Variants in BCL2L13 observed in about 807,000 individuals in gnomAD.
BCL2L13 encodes the protein BCL2 like 13, also known as bcl-2-like protein 13.
Under a neutral mutation model 25.8 loss-of-function variants are expected in BCL2L13, and 13 were observed. The ratio of observed to expected loss-of-function variants is 0.50; its 90% confidence interval spans 0.33 to 0.80. BCL2L13 has a LOEUF of 0.80. Among genes scored for constraint, BCL2L13 ranks in the 30% least tolerant of loss-of-function variants. The pLI is 0.02. For synonymous variants in BCL2L13, 244 were observed against 230.3 expected, an observed-to-expected ratio of 1.06 and a Z score of -0.54; for missense variants, 504 against 574.9, an observed-to-expected ratio of 0.88 and a Z score of 1.26.
At chr22:17,708,723 C>T (rs989736852) in intron 6 of BCL2L13, among the ~76,000 whole-genome samples, 6 of 152,192 alleles carry the variant, frequency 3.9e-5, no homozygotes, top group Admixed American at 3.3e-4. Flanking sequence ...TTTGAGCCCT[C>T]GAAATTACTC....
intron 6 of BCL2L13, among the ~76,000 whole-genome samples, chr22:17,723,121 C>T (rs1336215965): frequency 6.6e-6 from 1 of 152,104 alleles, no homozygotes; most frequent in African/African-American, 2.4e-5. Flanking sequence ...CATGTCTTTG[C>T]TTACTTAGCT....
intron 1 of BCL2L13, among the ~76,000 whole-genome samples, chr22:17,650,992 T>C (rs1197341302): frequency 4.4e-5 from 1 of 22,572 alleles, no homozygotes; most frequent in African/African-American, 1.7e-4. Flanking sequence ...CATTCACTCC[T>C]TTTTTTTTTT....
At chr22:17,656,472 C>T (rs1465625799) in intron 2 of BCL2L13, among the ~76,000 whole-genome samples, 3 of 147,790 alleles carry the variant, frequency 2.0e-5, no homozygotes, top group South Asian at 4.3e-4. Context: ...CTCAGCCTCC[C>T]GAGTAGCTGG....
At chr22:17,706,780 T>A (rs1241220172) in intron 6 of BCL2L13, 2 of 1,352,138 alleles carry the variant, frequency 1.5e-6, no homozygotes, top group Middle Eastern at 2.1e-4. Context: ...GTTGCTACGT[T>A]AGAAGTCTGT....
At chr22:17,726,071 C>A (rs1170047166) in intron 6 of BCL2L13, among the ~76,000 whole-genome samples, 1 of 151,990 alleles carries the variant, frequency 6.6e-6, no homozygotes, top group Non-Finnish European at 1.5e-5. Context: ...GATTTTGGGC[C>A]GGGCACAGTG....
At chr22:17,641,084 G>A (rs2058264871) in intron 1 of BCL2L13, among the ~76,000 whole-genome samples, 1 of 151,910 alleles carries the variant, frequency 6.6e-6, no homozygotes, top group Admixed American at 6.6e-5. Flanking sequence ...TAGAGACGGG[G>A]TTTCACCGTG....
intron 2 of BCL2L13, among the ~76,000 whole-genome samples, chr22:17,666,364 A>G (rs1054966614): frequency 1.3e-5 from 2 of 152,154 alleles, no homozygotes; most frequent in South Asian, 2.1e-4. Flanking sequence ...ATTACAAACA[A>G]TTCAGTTACT....
At chr22:17,638,632 C>T (rs1195004666), upstream of BCL2L13, 9 of 1,216,352 alleles carry the variant, frequency 7.4e-6, no homozygotes, top group Middle Eastern at 9.4e-4. Flanking sequence ...CAGGTCACAT[C>T]TGGACGGAGA....
Position 17,691,423 on chromosome 22 carries a change from T to G in BCL2L13, c.386+2281T>G, listed in dbSNP as rs548146383. ...GCACTTGGGGAGGCCGAGGCGGGCG[T>G]ATCACGAGGTCAGGAGATTGAGACC... On this transcript the variant is annotated intron_variant, in intron 4 of 6. Coordinates refer to ENST00000317582, the MANE Select transcript of BCL2L13 (RefSeq NM_015367.4). Among the ~76,000 whole-genome samples the G allele has an allele frequency of 2.4e-3, 371 of 152,186 alleles. 1 individual carries two copies. The highest frequency in any genetic ancestry group is 8.4e-3 in the African/African-American group (349 of 41,536).
intron 6 of BCL2L13, among the ~76,000 whole-genome samples, chr22:17,712,608 T>C (rs1009211329): frequency 1.3e-5 from 2 of 152,218 alleles, no homozygotes; most frequent in Admixed American, 1.3e-4. Flanking sequence ...ATATAAATTA[T>C]GTGACACAGT....
At position 17,728,543 on chromosome 22, in the gene BCL2L13, C is replaced by T. The variant is rs761050041; in HGVS notation, c.*1009C>T. 11 of 152,158 alleles carry T rather than the reference C, an allele frequency of 7.2e-5. No homozygotes were observed. The highest frequency in any genetic ancestry group is 1.5e-4 in the Non-Finnish European group (10 of 68,028). The allele number at this position is 152,158 out of a possible 1,614,324, so 9.4% of individuals were successfully genotyped here. On this transcript the variant is annotated 3_prime_UTR_variant, in exon 7 of 7. Coordinates refer to ENST00000317582, the MANE Select transcript of BCL2L13 (RefSeq NM_015367.4). ...ATTGCTGGATGGTCCCTGTCTATAA[C>T]CTTGGGCTAGTATATTTTTTCCAAT...
At chr22:17,718,406 C>T (rs955020189) in intron 6 of BCL2L13, among the ~76,000 whole-genome samples, 3 of 152,112 alleles carry the variant, frequency 2.0e-5, no homozygotes, top group South Asian at 2.1e-4. Flanking sequence ...GTCTTCAGTA[C>T]GACAAGCATT....
At chr22:17,726,636 G>A (rs1398159513) in intron 6 of BCL2L13, 41 bp from the exon 7 acceptor site, 28 of 1,574,192 alleles carry the variant, frequency 1.8e-5, no homozygotes, top group Non-Finnish European at 2.1e-5. Flanking sequence ...GTTTTAAATA[G>A]TTACCATTCT....
chr22:17,656,762 G>A (rs1417440287), intron 2 of BCL2L13, among the ~76,000 whole-genome samples: 4 of 152,012 alleles, frequency 2.6e-5, no homozygotes, highest in African/African-American at 9.7e-5. Flanking sequence ...ACTTACAATT[G>A]TTGAGCAGTC....
rs569378987 is a variant in BCL2L13 at position 17,705,490 on chromosome 22, G to A, written c.600+3104G>A. ...TTTTTTGTATTTTTAGTAGAGATGG[G>A]TTTTCACTGTGTTAGCCAGGATGGT... is the stretch of plus-strand genomic sequence containing the variant. On this transcript the variant is annotated intron_variant, in intron 6 of 6. Transcript: ENST00000317582. Among the ~76,000 whole-genome samples, 18 of 151,762 alleles carry A rather than the reference G, an allele frequency of 1.2e-4. No homozygotes were observed. In the South Asian group the frequency reaches 3.8e-3, roughly 32 times the overall value.
intron 1 of BCL2L13, among the ~76,000 whole-genome samples, chr22:17,646,459 A>G (rs1454375040): frequency 6.6e-6 from 1 of 150,818 alleles, no homozygotes; most frequent in Non-Finnish European, 1.5e-5. Flanking sequence ...ATATTGGTCA[A>G]GCTGGTCTCA....
intron 6 of BCL2L13, among the ~76,000 whole-genome samples, chr22:17,717,653 C>T (rs943498590): frequency 6.6e-6 from 1 of 152,176 alleles, no homozygotes; most frequent in Non-Finnish European, 1.5e-5. Context: ...ACCTAAAGAG[C>T]ACAGTTCCTG....
In BCL2L13 at chr22:17,700,052, G is replaced by A. The variant is rs540800211; in HGVS notation, c.457-2191G>A. On this transcript the variant is annotated intron_variant, in intron 5 of 6. Coordinates refer to ENST00000317582, the MANE Select transcript of BCL2L13 (RefSeq NM_015367.4). ...GGAAAAAAACGAATCATCTGACATA[G>A]CATGTACCACCAAGAAGCGTATTAC... Among the ~76,000 whole-genome samples, 47 of 152,116 alleles carry A rather than the reference G, an allele frequency of 3.1e-4. No homozygotes were observed. In the South Asian group the frequency reaches 9.6e-3, roughly 31 times the overall value.
At chr22:17,688,184 T>A (rs189780483) in intron 3 of BCL2L13, among the ~76,000 whole-genome samples, 1 of 152,192 alleles carries the variant, frequency 6.6e-6, no homozygotes. Context: ...CTCGAACTCC[T>A]GGACTCAAAC....
Sources: gnomAD v4.1 joint callset for allele counts (sites outside exome capture counted in the v4.1 genomes callset) on GRCh38, gnomAD v4.1.1 for gene constraint, MANE v1.5 for transcripts, NCBI Gene and HGNC (gene_info 2026-07-23, HGNC 2026-07-21) for gene names.